The following BRD1 variants were observed in gnomAD, a reference collection of about 807,000 sequenced individuals.
The protein encoded by BRD1 is bromodomain containing 1.
BRD1 carries 24 observed loss-of-function variants against 107.7 expected under a neutral mutation model. The ratio of observed to expected loss-of-function variants is 0.22; its 90% CI spans 0.16 to 0.31. The LOEUF (loss-of-function observed/expected upper bound fraction) is 0.31. BRD1 is among the 10% of genes least tolerant of loss of function. The probability of loss-of-function intolerance (pLI) is 1.00; values close to 1 mark genes in which losing one functional copy is unlikely to be tolerated. For missense variants in BRD1, 1,279 were observed against 1,638.6 expected, an observed-to-expected ratio of 0.78 and a Z score of 3.79; for synonymous variants, 744 against 686.1, an observed-to-expected ratio of 1.08 and a Z score of -1.32.
At chr22:49,779,822 C>G (rs935096938) in intron 8 of BRD1, among the ~76,000 whole-genome samples, 1 of 152,070 alleles carries the variant, frequency 6.6e-6, no homozygotes, top group Non-Finnish European at 1.5e-5. Flanking sequence ...GGAAGCCCAC[C>G]CAGCTCGCAT....
chr22:49,821,516 CTAAT>C (rs1346420660), intron 2 of BRD1, among the ~76,000 whole-genome samples: 2 of 152,074 alleles, frequency 1.3e-5, no homozygotes, highest in Non-Finnish European at 2.9e-5. Context: ...TCTGAATTGA[CTAAT>C]TATCTGAGTA....
rs746726651 is a variant in BRD1, at chr22:49,775,567, G to C, written c.3386+24C>G. 6 of 1,457,018 alleles carry C rather than the reference G, an allele frequency of 4.1e-6. No individual in the cohort carries two copies. In the East Asian group the frequency reaches 1.6e-4, roughly 39 times the overall value. 90.3% of individuals were successfully genotyped at this position (1,457,018 alleles called of 1,614,324 possible). On this transcript the variant is annotated intron_variant, in intron 12 of 12. Transcript: ENST00000404760. ...CCCCCAACCACCCCAGCCGGTCCCCGGAGTCTAAGGCCTCTCAACTCACCA... is the reference window on the plus strand; with the variant it reads ...CCCCCAACCACCCCAGCCGGTCCCCCGAGTCTAAGGCCTCTCAACTCACCA...
intron 6 of BRD1, among the ~76,000 whole-genome samples, chr22:49,794,635 G>A (rs1365668194): frequency 6.6e-6 from 1 of 152,252 alleles, no homozygotes; most frequent in Non-Finnish European, 1.5e-5. Context: ...TGAGGGCACA[G>A]CACACAGACC....
intron 2 of BRD1, among the ~76,000 whole-genome samples, chr22:49,811,778 T>C (rs529452525): frequency 6.6e-6 from 1 of 152,096 alleles, no homozygotes; most frequent in Admixed American, 6.5e-5. Context: ...CTGACAAAAT[T>C]CCCCCACGGG....
At chr22:49,827,360 A>AGCCGCCGCCGCCGCCGCC (rs1270219044) in intron 1 of BRD1, 137 bp downstream of exon 1, 5 of 151,344 alleles carry the variant, frequency 3.3e-5, no homozygotes, top group East Asian at 3.9e-4. Context: ...GACAATGCGG[A>AGCCGCCGCCGCCGCCGCC]GCCGCCGCCG....
intron 1 of BRD1, among the ~76,000 whole-genome samples, chr22:49,826,713 A>G (rs2060151835): frequency 6.6e-6 from 1 of 152,170 alleles, no homozygotes. Context: ...CGGCCAAACA[A>G]AAACATCCGC....
At chr22:49,790,053 G>A (rs762146189) in intron 7 of BRD1, among the ~76,000 whole-genome samples, 2 of 152,194 alleles carry the variant, frequency 1.3e-5, no homozygotes, top group Admixed American at 6.5e-5. Flanking sequence ...CCGCCAGCAC[G>A]CAGGCTAAAG....
rs138838 is a variant in BRD1 at position 49,787,303 on chromosome 22, C to A, written c.2857+87G>T. On this transcript the variant is annotated intron_variant, in intron 8 of 12. Transcript: ENST00000404760. Reference sequence around the variant, plus strand: ...CTGCAAAAACAGAAGCTGGACACCCCCCCCCCCCCGTCACACCAATGATCC... The same window carrying A: ...CTGCAAAAACAGAAGCTGGACACCCACCCCCCCCCGTCACACCAATGATCC... 116 of 749,996 alleles carry A rather than the reference C, an allele frequency of 1.5e-4. 5 individuals are homozygous for A. Among genetic ancestry groups the A allele is most frequent in the Middle Eastern group, 8.2e-4 (2 of 2,434 alleles). 46.5% of individuals were successfully genotyped at this position (749,996 alleles called of 1,614,324 possible). A position where few individuals can be genotyped will look rare whatever the true frequency, so the allele number is the denominator to read the frequency against.
At chr22:49,793,978 T>A (rs771752448) in intron 7 of BRD1, 56 bp downstream of exon 7, 4 of 1,566,550 alleles carry the variant, frequency 2.6e-6, no homozygotes, top group Non-Finnish European at 2.6e-6. Context: ...CCTGTGCCTG[T>A]GCCTGAGCCT....
intron 2 of BRD1, among the ~76,000 whole-genome samples, chr22:49,813,630 G>A (rs555378399): frequency 2.0e-5 from 3 of 151,468 alleles, no homozygotes; most frequent in African/African-American, 4.8e-5. Flanking sequence ...TCAAGAGTTC[G>A]AGACCAGCCT....
rs779060123 is a variant in BRD1, at chr22:49,823,986, G to A, written c.332C>T (p.Pro111Leu). ...CTCCGGGAGGGCACTGGCCGAGGCC[G>A]GCGTGCCGTGGGCGCTGGGGAGGGC... The part of the protein sequence containing the change: ...NEALPSAHGT[P>L]ASASALPEPK... The change falls in exon 2 of 13, where the codon CCG (proline) becomes CTG (leucine). Residue 111 changes from proline (P) to leucine (L), a missense_variant. By Grantham distance (98) the Pro-to-Leu change is moderately conservative (BLOSUM62 -3). Transcript: ENST00000404760. The A allele has an allele frequency of 1.1e-5, 18 of 1,613,866 alleles. No homozygotes were observed. Among genetic ancestry groups the A allele is most frequent in the Middle Eastern group, 3.3e-4 (2 of 6,084 alleles).
At chr22:49,780,418 G>C (rs574315834) in intron 8 of BRD1, among the ~76,000 whole-genome samples, 1 of 152,232 alleles carries the variant, frequency 6.6e-6, no homozygotes, top group Non-Finnish European at 1.5e-5. Flanking sequence ...CCGGGAAGAC[G>C]TGGGCAGCAC....
rs2067097575 is a variant in BRD1 at position 49,824,150 on chromosome 22, G to A, written c.168C>T (p.Pro56=). 1.2e-6 allele frequency: 2 copies of A among 1,613,918 alleles called. No homozygotes were observed. The highest frequency in any genetic ancestry group is 1.3e-5 in the African/African-American group (1 of 75,022). Residue 56 remains proline, a synonymous_variant, in exon 2 of 13, where the codon CCC becomes CCT. Transcript: ENST00000404760. This position sits in a 1 kb window ranked among gnomAD's most constrained non-coding sequence, Gnocchi z 5.9. ...GGTCATCTTCCAATATGATCTCCAG[G>A]GGATCAAAAATACTGATCCTGTGCA... The part of the protein sequence containing the change: ...GRLHRISIFD[P]LEIILEDDLT...
rs1221902123 is a variant in BRD1 at position 49,776,158 on chromosome 22, T to C, written c.3123A>G (p.Glu1041=). The C allele has an allele frequency of 6.2e-7, 1 of 1,603,438 alleles. No individual in the cohort carries two copies. The highest frequency in any genetic ancestry group is 8.5e-7 in the Non-Finnish European group (1 of 1,179,512). ...NYAKAARIAA[E]VGQSSMWIST... is the part of the protein sequence containing the mutation. ...AGATCCACATGCTGCTCTGGCCGAC[T>C]TCTGCGGAGAGGGGCGTCAGCAGGA... Residue 1041 remains glutamate (E), a splice_region_variant and synonymous_variant, in exon 11 of 13, where the codon GAA becomes GAG. Coordinates refer to ENST00000404760, the MANE Select transcript of BRD1 (RefSeq NM_001304808.3).
chr22:49,776,737 C>T (rs555870419), intron 10 of BRD1, among the ~76,000 whole-genome samples: 27 of 152,378 alleles, frequency 1.8e-4, no homozygotes, highest in Middle Eastern at 3.4e-3. Context: ...GACCACTGAA[C>T]CTAAACAACC....
At position 49,787,427 on chromosome 22, in the gene BRD1, C is replaced by T; in HGVS notation, c.2820G>A (p.Glu940=). ...GCTTTCCTGGGGACTCCTCCTCCAC[C>T]TCGGAGTCTCCGCATGTGCTCCGCG... is the stretch of plus-strand genomic sequence containing the variant. ...KRSRSTCGDS[E]VEEESPGKRL... The change falls in exon 8 of 13, where the codon GAG becomes GAA. Residue 940 remains glutamate, a synonymous_variant. Coordinates refer to ENST00000404760, the MANE Select transcript of BRD1 (RefSeq NM_001304808.3). The T allele has an allele frequency of 1.2e-6, 2 of 1,614,162 alleles. No homozygotes were observed. Among genetic ancestry groups the T allele is most frequent in the Non-Finnish European group, 1.7e-6 (2 of 1,180,028 alleles).
chr22:49,787,063 C>T (rs1423330693), intron 8 of BRD1, among the ~76,000 whole-genome samples: 1 of 151,890 alleles, frequency 6.6e-6, no homozygotes, highest in African/African-American at 2.4e-5. Flanking sequence ...GCCTGGGTGA[C>T]AAAGCAAGAC....
chr22:49,787,881 T>G lies in BRD1; in HGVS notation c.2366A>C (p.Lys789Thr). 1 of 1,509,356 alleles carries G rather than the reference T, an allele frequency of 6.6e-7. No homozygotes were observed. The highest frequency in any genetic ancestry group is 8.9e-7 in the Non-Finnish European group (1 of 1,127,512). The allele number at this position is 1,509,356 out of a possible 1,614,324, so 93.5% of individuals were successfully genotyped here. A position where few individuals can be genotyped will look rare whatever the true frequency, so the allele number is the denominator to read the frequency against. ...TGATGGTTCAAGTTTAGGGGGAGAT[T>G]TATCTCCTGAAAAAATTATAAATAA... ...LGPEAGEEGD[K>T]SPPKLEPSDA... Residue 789 changes from lysine (K) to threonine (T), a missense_variant, in exon 8 of 13, where the codon AAA becomes ACA. Physicochemically the swap from Lys to Thr is moderately conservative, Grantham distance 78. This residue lies in a region of BRD1 where 406 missense variants were observed against 519.4 expected (regional missense o/e 0.78). Transcript: ENST00000404760.
chr22:49,780,780 A>G (rs2059191774), intron 8 of BRD1, among the ~76,000 whole-genome samples: 1 of 152,178 alleles, frequency 6.6e-6, no homozygotes, highest in South Asian at 2.1e-4. Flanking sequence ...GATGTCCACC[A>G]TGACCCGCAC....
Sources: allele counts gnomAD v4.1 joint callset (sites outside exome capture counted in the v4.1 genomes callset), GRCh38; gene constraint gnomAD v4.1.1; regional missense constraint gnomAD v4.1.1; non-coding constraint Gnocchi (gnomAD v3.1); transcripts MANE v1.5; gene names NCBI Gene and HGNC (gene_info 2026-07-23, HGNC 2026-07-21).